RNF152: variants seen among roughly 807,000 people sequenced by gnomAD.
The protein encoded by RNF152 is ring finger protein 152, also known as E3 ubiquitin-protein ligase RNF152.
A neutral mutation model predicts 12.7 loss-of-function variants in RNF152; 11 were observed. The ratio of observed to expected loss-of-function variants is 0.86; its 90% confidence interval spans 0.54 to 1.43. RNF152 has a LOEUF of 1.43. Among genes scored for constraint, RNF152 ranks in the 40% most tolerant of loss-of-function variants. The probability of loss-of-function intolerance (pLI) is 0.00; values close to 1 mark genes in which losing one functional copy is unlikely to be tolerated. For missense variants in RNF152, 255 were observed against 274.8 expected (o/e 0.93, Z 0.51); for synonymous variants, 113 against 120.3 (o/e 0.94, Z 0.40).
chr18:61,823,201 G>A (rs1346225311), intron 1 of RNF152, among the ~76,000 whole-genome samples: 1 of 152,220 alleles, frequency 6.6e-6, no homozygotes, highest in Non-Finnish European at 1.5e-5. Flanking sequence ...AATTCCATTG[G>A]CTCGAGCTCT....
At chr18:61,862,748 G>A (rs911918878) in intron 1 of RNF152, among the ~76,000 whole-genome samples, 1 of 152,152 alleles carries the variant, frequency 6.6e-6, no homozygotes, top group South Asian at 2.1e-4. Context: ...ACCAAGTTCT[G>A]TGAGCCGCTC....
chr18:61,835,746 T>C (rs1910152978), intron 1 of RNF152, among the ~76,000 whole-genome samples: 1 of 152,190 alleles, frequency 6.6e-6, no homozygotes, highest in African/African-American at 2.4e-5. Flanking sequence ...GTGGGGTACA[T>C]CCTTTAATAA....
At chr18:61,874,282 A>T (rs892071854) in intron 1 of RNF152, among the ~76,000 whole-genome samples, 21 of 152,250 alleles carry the variant, frequency 1.4e-4, no homozygotes, top group Admixed American at 1.3e-4. Context: ...AAGGTAGTTA[A>T]TGTCTTTTGA....
chr18:61,817,184 T>C (rs1909148884), intron 1 of RNF152, among the ~76,000 whole-genome samples: 2 of 152,196 alleles, frequency 1.3e-5, no homozygotes, highest in African/African-American at 4.8e-5. Context: ...AAGGCATCTT[T>C]CATCTTTCCC....
chr18:61,871,538 T>C (rs935668693), intron 1 of RNF152, among the ~76,000 whole-genome samples: 11 of 152,196 alleles, frequency 7.2e-5, no homozygotes, highest in Admixed American at 6.5e-5. Context: ...ACAGAAGGGT[T>C]ACTGCCCTCA....
intron 1 of RNF152, among the ~76,000 whole-genome samples, chr18:61,857,384 C>G (rs1244733244): frequency 2.0e-5 from 3 of 152,150 alleles, no homozygotes; most frequent in African/African-American, 7.2e-5. Context: ...AATTTTTATA[C>G]TAAAAGCTAT....
intron 1 of RNF152, among the ~76,000 whole-genome samples, chr18:61,877,966 C>G (rs1253672281): frequency 6.6e-6 from 1 of 152,194 alleles, no homozygotes; most frequent in Admixed American, 6.5e-5. Flanking sequence ...GGAGCATCTG[C>G]TCCACAAGGT....
At chr18:61,891,795 T>C (rs1912971326) in intron 1 of RNF152, among the ~76,000 whole-genome samples, 1 of 152,234 alleles carries the variant, frequency 6.6e-6, no homozygotes, top group Non-Finnish European at 1.5e-5. Context: ...TCAAGGGATT[T>C]GGAGGAAAAT....
At chr18:61,866,229 C>A (rs1911719189) in intron 1 of RNF152, among the ~76,000 whole-genome samples, 1 of 152,156 alleles carries the variant, frequency 6.6e-6, no homozygotes, top group Non-Finnish European at 1.5e-5. Flanking sequence ...TACCAACCAT[C>A]CAACCTACTG....
intron 1 of RNF152, among the ~76,000 whole-genome samples, chr18:61,822,140 AATTT>A (rs1909446431): frequency 6.6e-6 from 1 of 152,232 alleles, no homozygotes; most frequent in African/African-American, 2.4e-5. Context: ...ATGTCACCAC[AATTT>A]ATTTGAGAAA....
intron 1 of RNF152, among the ~76,000 whole-genome samples, chr18:61,867,786 T>A (rs1245224872): frequency 6.6e-6 from 1 of 152,114 alleles, no homozygotes; most frequent in Non-Finnish European, 1.5e-5. Flanking sequence ...ACAACTGAAT[T>A]CACAGTAATC....
rs529434840 is a variant in RNF152 at position 61,884,006 on chromosome 18, G to A, written c.-136+8789C>T. 2.6e-5 allele frequency among the ~76,000 whole-genome samples: 4 copies of A among 152,264 alleles called. No homozygotes were observed. In the South Asian group the frequency reaches 8.3e-4, roughly 32 times the overall value. On this transcript the variant is annotated intron_variant, in intron 1 of 1. Transcript: ENST00000312828. ...GTTACTTGGATGCCATCACCTCCTT[G>A]GCTAGCTTAAGGGCTTCTTCAGGTT...
chr18:61,814,669 A>G lies in RNF152; in HGVS notation c.*1183T>C, dbSNP rs1390486124. ...GGAGATCTTCTCTCATATCAACAAG[A>G]GGAAACAGGAATTCTAACTGGCTTA... is the stretch of plus-strand genomic sequence containing the variant. On this transcript the variant is annotated 3_prime_UTR_variant, in exon 2 of 2. Coordinates refer to ENST00000312828, the MANE Select transcript of RNF152 (RefSeq NM_173557.3). The G allele has an allele frequency of 6.6e-6, 1 of 152,224 alleles. No individual in the cohort carries two copies. Among genetic ancestry groups the G allele is most frequent in the Non-Finnish European group, 1.5e-5 (1 of 68,036 alleles). 9.4% of individuals were successfully genotyped at this position (152,224 alleles called of 1,614,324 possible). A position where few individuals can be genotyped will look rare whatever the true frequency, so the allele number is the denominator to read the frequency against.
intron 1 of RNF152, among the ~76,000 whole-genome samples, chr18:61,885,310 T>TTTTGTTTGTTTGTTTG (rs60594023): frequency 2.7e-4 from 41 of 151,302 alleles, no homozygotes; most frequent in African/African-American, 9.5e-4. Context: ...ACTGAGAGTG[T>TTTTGTTTGTTTGTTTG]TTTGTTTGTT....
intron 1 of RNF152, among the ~76,000 whole-genome samples, chr18:61,820,469 A>C (rs936313887): frequency 6.6e-6 from 1 of 151,556 alleles, no homozygotes; most frequent in African/African-American, 2.4e-5. Context: ...ATCTGTCTCC[A>C]GGTGAAAGTG....
intron 1 of RNF152, among the ~76,000 whole-genome samples, chr18:61,874,286 C>G (rs1912122338): frequency 6.6e-6 from 1 of 152,200 alleles, no homozygotes; most frequent in Admixed American, 6.5e-5. Context: ...TAGTTAATGT[C>G]TTTTGAAGAG....
At position 61,815,284 on chromosome 18, in the gene RNF152, C is replaced by T. The variant is rs1426550213; in HGVS notation, c.*568G>A. 6.6e-6 allele frequency: 1 copy of T among 152,466 alleles called. No individual in the cohort carries two copies. The highest frequency in any genetic ancestry group is 1.5e-5 in the Non-Finnish European group (1 of 68,084). 9.4% of individuals were successfully genotyped at this position (152,466 alleles called of 1,614,324 possible). On this transcript the variant is annotated 3_prime_UTR_variant, in exon 2 of 2. Coordinates refer to ENST00000312828, the MANE Select transcript of RNF152 (RefSeq NM_173557.3). The stretch of plus-strand genomic sequence containing the variant: ...GGAGACACTTGTTCAAATATTTCCT[C>T]CAAATAAAATGACTGTCCATTTTGA...
At chr18:61,820,946 G>A (rs773296819) in intron 1 of RNF152, among the ~76,000 whole-genome samples, 1 of 152,156 alleles carries the variant, frequency 6.6e-6, no homozygotes, top group Non-Finnish European at 1.5e-5. Context: ...TGATGGAGTT[G>A]TGGCTGAAGG....
chr18:61,812,646 A>G lies in RNF152; in HGVS notation c.*3206T>C, dbSNP rs1308433447. The G allele has an allele frequency of 4.6e-5, 7 of 152,178 alleles. No homozygotes were observed. Among genetic ancestry groups the G allele is most frequent in the African/African-American group, 1.7e-4 (7 of 41,442 alleles). 9.4% of individuals were successfully genotyped at this position (152,178 alleles called of 1,614,324 possible). A position where few individuals can be genotyped will look rare whatever the true frequency, so the allele number is the denominator to read the frequency against. On this transcript the variant is annotated 3_prime_UTR_variant, in exon 2 of 2. Transcript: ENST00000312828. Reference sequence around the variant, plus strand: ...AGATCATTAATAAAGATGAAAATTCATGCTTCTTATAGTTTACTATTTATA... The same window carrying G: ...AGATCATTAATAAAGATGAAAATTCGTGCTTCTTATAGTTTACTATTTATA...
Sources: allele counts gnomAD v4.1 joint callset (sites outside exome capture counted in the v4.1 genomes callset), GRCh38; gene constraint gnomAD v4.1.1; transcripts MANE v1.5; gene names NCBI Gene and HGNC (gene_info 2026-07-23, HGNC 2026-07-21).